Variants in PTCSC3 observed in about 807,000 individuals in gnomAD.
PTCSC3 encodes the protein papillary thyroid carcinoma susceptibility candidate 3.
intron 2 of PTCSC3, among the ~76,000 whole-genome samples, chr14:36,158,434 AC>A (rs1209600648): frequency 1.3e-5 from 2 of 152,164 alleles, no homozygotes; most frequent in Non-Finnish European, 2.9e-5. Context: ...TCCCATCAAT[AC>A]GTGGTTCATT....
intron 2 of PTCSC3, among the ~76,000 whole-genome samples, chr14:36,161,694 T>TG (rs1379112132): frequency 6.6e-6 from 1 of 152,180 alleles, no homozygotes; most frequent in Non-Finnish European, 1.5e-5. Flanking sequence ...TCAGGAGACA[T>TG]GGGGGTCAGG....
At chr14:36,154,398 A>G (rs1881787307) in intron 2 of PTCSC3, among the ~76,000 whole-genome samples, 1 of 152,254 alleles carries the variant, frequency 6.6e-6, no homozygotes, top group Admixed American at 6.5e-5. Flanking sequence ...ACATTATCAC[A>G]AACATGCTGA....
intron 3 of PTCSC3, among the ~76,000 whole-genome samples, chr14:36,142,596 A>G (rs957511255): frequency 1.3e-5 from 2 of 151,660 alleles, no homozygotes; most frequent in African/African-American, 4.8e-5. Flanking sequence ...TTCACCAGTG[A>G]GACTATCTGG....
At chr14:36,140,515 A>G (rs931609261) in intron 3 of PTCSC3, among the ~76,000 whole-genome samples, 1 of 152,194 alleles carries the variant, frequency 6.6e-6, no homozygotes, top group African/African-American at 2.4e-5. Flanking sequence ...TGATATTGTC[A>G]GGTTTTTTGT....
upstream of PTCSC3, among the ~76,000 whole-genome samples, chr14:36,176,710 G>A (rs918236738): frequency 3.9e-5 from 6 of 152,122 alleles, no homozygotes; most frequent in Non-Finnish European, 8.8e-5. Flanking sequence ...ATGCCTGACG[G>A]TGAATGTGCG....
chr14:36,140,941 G>T (rs1266168046), intron 3 of PTCSC3, among the ~76,000 whole-genome samples: 3 of 152,042 alleles, frequency 2.0e-5, no homozygotes, highest in Non-Finnish European at 4.4e-5. Context: ...CTTTTTTGAG[G>T]GGGGAATACA....
intron 2 of PTCSC3, among the ~76,000 whole-genome samples, chr14:36,156,200 C>T (rs949390976): frequency 6.6e-6 from 1 of 152,188 alleles, no homozygotes; most frequent in Non-Finnish European, 1.5e-5. Flanking sequence ...CTGAGAACAG[C>T]TCTACCTTTG....
intron 3 of PTCSC3, among the ~76,000 whole-genome samples, chr14:36,147,806 G>A (rs993346778): frequency 6.6e-6 from 1 of 151,704 alleles, no homozygotes; most frequent in Admixed American, 6.6e-5. Flanking sequence ...TCTACTTTTG[G>A]TCTTTGATGA....
At chr14:36,146,355 G>A (rs1282809147) in intron 3 of PTCSC3, among the ~76,000 whole-genome samples, 2 of 148,874 alleles carry the variant, frequency 1.3e-5, no homozygotes, top group Non-Finnish European at 3.0e-5. Context: ...CCTATATTGG[G>A]TGCATATATA....
At chr14:36,162,303 G>T (rs1233868013) in intron 2 of PTCSC3, among the ~76,000 whole-genome samples, 2 of 147,904 alleles carry the variant, frequency 1.4e-5, no homozygotes, top group Non-Finnish European at 3.0e-5. Context: ...AGCCAGCTCA[G>T]TGTCTGCCTA....
intron 1 of PTCSC3, among the ~76,000 whole-genome samples, chr14:36,172,195 C>T (rs563451852): frequency 3.3e-5 from 5 of 151,938 alleles, no homozygotes; most frequent in Non-Finnish European, 7.4e-5. Context: ...TTGGGTTGGA[C>T]ATGTAAATAT....
intron 3 of PTCSC3, among the ~76,000 whole-genome samples, chr14:36,152,269 TAAA>T (rs952905793): frequency 1.3e-5 from 2 of 148,412 alleles, no homozygotes; most frequent in Non-Finnish European, 3.0e-5. Context: ...TTTATTAAAA[TAAA>T]AAAAAAACTT....
intron 3 of PTCSC3, among the ~76,000 whole-genome samples, chr14:36,137,860 A>T (rs533935278): frequency 7.0e-4 from 107 of 152,254 alleles, no homozygotes; most frequent in Non-Finnish European, 9.6e-4. Context: ...GCAAGTGGAG[A>T]TGATGAGTAG....
At chr14:36,155,926 A>C (rs1423947587) in intron 2 of PTCSC3, among the ~76,000 whole-genome samples, 1 of 152,214 alleles carries the variant, frequency 6.6e-6, no homozygotes, top group Non-Finnish European at 1.5e-5. Context: ...TATAGACTGG[A>C]CTTTCACATT....
chr14:36,168,952 C>T (rs1041250545), intron 1 of PTCSC3, among the ~76,000 whole-genome samples: 3 of 151,868 alleles, frequency 2.0e-5, no homozygotes, highest in African/African-American at 7.3e-5. Flanking sequence ...TAGAACAGCA[C>T]CAAAAAATGC....
At chr14:36,172,922 A>AAG (rs1882214984) in intron 1 of PTCSC3, among the ~76,000 whole-genome samples, 2 of 151,882 alleles carry the variant, frequency 1.3e-5, no homozygotes, top group African/African-American at 4.8e-5. Flanking sequence ...GCTCTTGTTA[A>AAG]CATAAAAACT....
intron 2 of PTCSC3, among the ~76,000 whole-genome samples, chr14:36,156,864 C>A (rs1382751545): frequency 1.3e-5 from 2 of 152,276 alleles, no homozygotes; most frequent in African/African-American, 4.8e-5. Flanking sequence ...AACAGTGCCA[C>A]AATAAACATG....
chr14:36,162,903 C>G (rs1053524330), intron 1 of PTCSC3, among the ~76,000 whole-genome samples: 2 of 152,186 alleles, frequency 1.3e-5, no homozygotes, highest in Non-Finnish European at 2.9e-5. Context: ...GGTGTCAGTT[C>G]TCTTCAACGG....
intron 1 of PTCSC3, among the ~76,000 whole-genome samples, chr14:36,168,137 T>C (rs1882128251): frequency 6.6e-6 from 1 of 151,950 alleles, no homozygotes; most frequent in Non-Finnish European, 1.5e-5. Context: ...GAATGGCTTA[T>C]TTTCTATCTT....
Sources: gnomAD v4.1 joint callset for allele counts (sites outside exome capture counted in the v4.1 genomes callset) on GRCh38, gnomAD v4.1.1 for gene constraint, MANE v1.5 for transcripts, NCBI Gene and HGNC (gene_info 2026-07-23, HGNC 2026-07-21) for gene names.